Variants in ATRN observed in about 807,000 individuals in gnomAD.
ATRN encodes the protein attractin, also known as attractin-2.
A neutral mutation model predicts 178.7 loss-of-function variants in ATRN; 54 were observed. The observed-to-expected ratio is 0.30, with a 90% CI of 0.24 to 0.38. The LOEUF is 0.38. Ranked by LOEUF, ATRN falls within the 10% of genes least tolerant of loss-of-function variation. ATRN has a pLI of 1.00. For missense variants in ATRN, 1,443 were observed against 1,815.1 expected (o/e 0.79, Z 3.73); for synonymous variants, 636 against 663.0 (o/e 0.96, Z 0.63).
chr20:3,581,331 G>A (rs986231347), intron 15 of ATRN, among the ~76,000 whole-genome samples: 3 of 152,096 alleles, frequency 2.0e-5, no homozygotes, highest in African/African-American at 7.2e-5. Flanking sequence ...CCATTTCTTG[G>A]CTAAACTTTA....
intron 25 of ATRN, among the ~76,000 whole-genome samples, chr20:3,627,651 C>T (rs185072971): frequency 2.6e-4 from 39 of 152,254 alleles, no homozygotes; most frequent in African/African-American, 8.9e-4. Context: ...CTCCAAATCC[C>T]GCAGACGTTT....
At chr20:3,557,675 T>C (rs1276043202) in intron 6 of ATRN, among the ~76,000 whole-genome samples, 2 of 152,232 alleles carry the variant, frequency 1.3e-5, no homozygotes. Context: ...GAATTACTGT[T>C]ATTGAATGTA....
At position 3,563,252 on chromosome 20, in the gene ATRN, G is replaced by A. The variant is rs1568731784; in HGVS notation, c.1675G>A (p.Ala559Thr). 1.2e-6 allele frequency: 2 copies of A among 1,613,846 alleles called. No individual in the cohort carries two copies. Among genetic ancestry groups the A allele is most frequent in the Non-Finnish European group, 1.7e-6 (2 of 1,179,902 alleles). The change falls in exon 10 of 29, where the codon GCT (alanine) becomes ACT (threonine). Residue 559 changes from alanine (A) to threonine (T), a missense_variant. By Grantham distance (58) the Ala-to-Thr change is moderately conservative. Transcript: ENST00000262919. Reference sequence around the variant, plus strand: ...CCGATTTTTCCGTTACTTGCACACAGCTGTGATAGTGAGTGGAACCATGCT... The same window carrying A: ...CCGATTTTTCCGTTACTTGCACACAACTGTGATAGTGAGTGGAACCATGCT... ...DSRFFRYLHT[A>T]VIVSGTMLVF...
At chr20:3,524,251 CAG>C (rs1327648347) in intron 1 of ATRN, among the ~76,000 whole-genome samples, 2 of 145,648 alleles carry the variant, frequency 1.4e-5, no homozygotes, top group Admixed American at 6.8e-5. Context: ...AAAAAAAAAG[CAG>C]GGGTTGCAAT....
In ATRN at chr20:3,638,623, T is replaced by C. The variant is rs1295880310; in HGVS notation, c.3943-205T>C. ...TTAATATGTATCTCTGACAGGGGCT[T>C]TTAAAAAATATAAGGACAATGGTGT... On this transcript the variant is annotated intron_variant, in intron 26 of 28. Transcript: ENST00000262919. The surrounding 1 kb of genome is among the most constrained non-coding windows in gnomAD (Gnocchi z 4.5). 6.6e-6 allele frequency among the ~76,000 whole-genome samples: 1 copy of C among 152,200 alleles called. No individual in the cohort carries two copies. Among genetic ancestry groups the C allele is most frequent in the Non-Finnish European group, 1.5e-5 (1 of 68,042 alleles).
chr20:3,605,818 T>C (rs1600150510), intron 24 of ATRN, among the ~76,000 whole-genome samples: 1 of 152,256 alleles, frequency 6.6e-6, no homozygotes, highest in East Asian at 1.9e-4. Context: ...ACCTAGGTGA[T>C]GAGATGATGT....
chr20:3,471,738 A>G (rs915164889), intron 1 of ATRN, among the ~76,000 whole-genome samples: 4 of 152,136 alleles, frequency 2.6e-5, no homozygotes, highest in African/African-American at 9.7e-5. Context: ...GGGTGGGGGC[A>G]CCCCGACGGT....
At chr20:3,532,465 C>T (rs1351412025) in intron 1 of ATRN, among the ~76,000 whole-genome samples, 6 of 152,074 alleles carry the variant, frequency 3.9e-5, no homozygotes, top group East Asian at 1.9e-4. Context: ...ATAGCACAGG[C>T]GTTGTGTTCA....
rs141249499 is a variant in ATRN, at chr20:3,504,296, G to A, written c.411-30957G>A. On this transcript the variant is annotated intron_variant, in intron 1 of 28. Coordinates refer to ENST00000262919, the MANE Select transcript of ATRN (RefSeq NM_139321.3). ...TTGGCTAAAGGAAGTTCTTTAAGCC[G>A]AAAGGAAATGATAGTAGAAGGAATC... Among the ~76,000 whole-genome samples the A allele has an allele frequency of 8.5e-5, 13 of 152,160 alleles. No homozygotes were observed. The East Asian group carries it at 9.6e-4, about 11-fold the overall frequency.
chr20:3,536,476 G>T (rs922616433), intron 2 of ATRN, among the ~76,000 whole-genome samples: 5 of 152,248 alleles, frequency 3.3e-5, no homozygotes, highest in East Asian at 3.9e-4. Flanking sequence ...CACACAAAGT[G>T]CTGGGATTAC....
At chr20:3,519,550 G>A (rs567020026) in intron 1 of ATRN, among the ~76,000 whole-genome samples, 5 of 152,200 alleles carry the variant, frequency 3.3e-5, no homozygotes, top group South Asian at 4.1e-4. Context: ...GGAGAAATTT[G>A]AGATGTCCAA....
intron 1 of ATRN, among the ~76,000 whole-genome samples, chr20:3,476,235 C>G (rs1024718467): frequency 1.3e-5 from 2 of 152,286 alleles, no homozygotes; most frequent in Admixed American, 6.5e-5. Flanking sequence ...GAAGTTATTC[C>G]CATTTCACAG....
Position 3,578,863 on chromosome 20 carries a change from T to A in ATRN, c.2544+91T>A, listed in dbSNP as rs529065530. On this transcript the variant is annotated intron_variant, in intron 15 of 28. Transcript: ENST00000262919. ...GCTTGCATGTGGAAGGCTGTGGATA[T>A]GTGTGACGTGCTTGGCAAGAAGGGG... The A allele has an allele frequency of 6.9e-5, 85 of 1,237,004 alleles. No homozygotes were observed. In the African/African-American group the frequency reaches 1.2e-3, roughly 18 times the overall value. 76.6% of individuals were successfully genotyped at this position (1,237,004 alleles called of 1,614,324 possible).
intron 1 of ATRN, among the ~76,000 whole-genome samples, chr20:3,484,802 T>G (rs975319421): frequency 3.3e-5 from 5 of 151,990 alleles, no homozygotes; most frequent in African/African-American, 9.7e-5. Context: ...TTCTTATAGC[T>G]TTTTTCAAAT....
At chr20:3,596,294 A>G (rs1361468296) in intron 20 of ATRN, 83 bp from the exon 21 acceptor site, 7 of 1,355,042 alleles carry the variant, frequency 5.2e-6, no homozygotes, top group African/African-American at 4.3e-5. Flanking sequence ...TCTGTACTTT[A>G]TATAAAAGGA....
At chr20:3,605,138 C>T (rs1292127646) in intron 24 of ATRN, among the ~76,000 whole-genome samples, 1 of 152,036 alleles carries the variant, frequency 6.6e-6, no homozygotes, top group Non-Finnish European at 1.5e-5. Flanking sequence ...AGCAAGTCAC[C>T]ACAAACATAT....
intron 25 of ATRN, among the ~76,000 whole-genome samples, chr20:3,627,687 A>T (rs2146317918): frequency 6.6e-6 from 1 of 152,358 alleles, no homozygotes; most frequent in East Asian, 1.9e-4. Flanking sequence ...GTATTTGATG[A>T]ACAACTTTAT....
chr20:3,615,049 T>C (rs1259538818), intron 24 of ATRN, among the ~76,000 whole-genome samples: 1 of 152,216 alleles, frequency 6.6e-6, no homozygotes, highest in Non-Finnish European at 1.5e-5. Context: ...TCTTTGGCTA[T>C]TATGAATAGT....
rs1378766417 is a variant in ATRN at position 3,565,421 on chromosome 20, C to G, written c.1860C>G (p.Val620=). The change falls in exon 11 of 29, where the codon GTC becomes GTG. Residue 620 remains valine, a synonymous_variant. Transcript: ENST00000262919. ...HDVNRFGHSA[V]LHNSTMYVFG... Reference sequence around the variant, plus strand: ...TCAACAGATTTGGCCATTCAGCAGTCTTACACAACAGGTAATTGGAGAAGT... The same window carrying G: ...TCAACAGATTTGGCCATTCAGCAGTGTTACACAACAGGTAATTGGAGAAGT... The G allele has an allele frequency of 6.2e-7, 1 of 1,613,022 alleles. No individual in the cohort carries two copies. The highest frequency in any genetic ancestry group is 8.5e-7 in the Non-Finnish European group (1 of 1,179,152).
Sources: gnomAD v4.1 joint callset for allele counts (sites outside exome capture counted in the v4.1 genomes callset) on GRCh38, gnomAD v4.1.1 for gene constraint, Gnocchi (gnomAD v3.1) non-coding constraint, MANE v1.5 for transcripts, NCBI Gene and HGNC (gene_info 2026-07-23, HGNC 2026-07-21) for gene names.